Variants in CEP112 observed in about 807,000 individuals in gnomAD.
CEP112 encodes the protein centrosomal protein 112, also known as centrosomal protein of 112 kDa.
A neutral mutation model predicts 153.0 loss-of-function variants in CEP112; 127 were observed. That is an observed-to-expected ratio of 0.83 (90% CI 0.72 to 0.96). CEP112 has a LOEUF of 0.96. Among genes scored for constraint, CEP112 ranks in the 40% least tolerant of loss-of-function variants. CEP112 has a pLI of 0.00. For synonymous variants in CEP112, 358 were observed against 374.4 expected (o/e 0.96, Z 0.51); for missense variants, 1,089 against 1,101.2 (o/e 0.99, Z 0.16).
At chr17:66,076,353 G>A (rs1172020121) in intron 8 of CEP112, among the ~76,000 whole-genome samples, 6 of 152,094 alleles carry the variant, frequency 3.9e-5, no homozygotes, top group Admixed American at 6.5e-5. Context: ...AAATAGACTC[G>A]GGGCTGCTAG....
intron 6 of CEP112, among the ~76,000 whole-genome samples, chr17:66,098,930 A>G (rs2068453007): frequency 6.6e-6 from 1 of 152,190 alleles, no homozygotes; most frequent in African/African-American, 2.4e-5. Flanking sequence ...GGGTCCTAGT[A>G]GTGGTGGAAC....
chr17:65,970,458 ATG>A (rs5821564), intron 17 of CEP112, among the ~76,000 whole-genome samples: 5 of 46,448 alleles, frequency 1.1e-4, no homozygotes, highest in South Asian at 1.3e-3. Context: ...TATTACATGC[ATG>A]CACACATGCA....
intron 24 of CEP112, among the ~76,000 whole-genome samples, chr17:65,678,162 C>T (rs562975790): frequency 1.3e-5 from 2 of 152,286 alleles, no homozygotes; most frequent in South Asian, 2.1e-4. Context: ...TTTAACATCA[C>T]TGTGTTGATC....
At chr17:65,779,039 T>C (rs1393115491) in intron 21 of CEP112, among the ~76,000 whole-genome samples, 1 of 152,158 alleles carries the variant, frequency 6.6e-6, no homozygotes, top group Non-Finnish European at 1.5e-5. Flanking sequence ...GTAAACAATT[T>C]GTTTTATATG....
intron 21 of CEP112, among the ~76,000 whole-genome samples, chr17:65,837,568 T>C (rs4791119): frequency 0.99 from 150,839 of 151,618 alleles, 75,034 homozygotes; most frequent in Middle Eastern, 1. Flanking sequence ...TCTGCCCGGC[T>C]GCCGCCCCGT....
intron 24 of CEP112, among the ~76,000 whole-genome samples, chr17:65,648,416 C>T (rs569665589): frequency 1.2e-4 from 19 of 152,330 alleles, no homozygotes; most frequent in African/African-American, 3.6e-4. Context: ...GGGCTGTGCC[C>T]TGCTCCATGG....
chr17:66,116,938 C>G (rs2069326153), intron 6 of CEP112, among the ~76,000 whole-genome samples: 1 of 148,064 alleles, frequency 6.8e-6, no homozygotes, highest in Non-Finnish European at 1.5e-5. Flanking sequence ...GCGATCTCGG[C>G]TCACTGCAAC....
intron 18 of CEP112, among the ~76,000 whole-genome samples, chr17:65,929,890 C>T (rs1255487797): frequency 6.6e-6 from 1 of 152,194 alleles, no homozygotes; most frequent in African/African-American, 2.4e-5. Flanking sequence ...TTTTCTATCA[C>T]TTTGTCCATG....
chr17:65,857,476 G>A (rs368609558), intron 20 of CEP112, among the ~76,000 whole-genome samples: 2 of 152,136 alleles, frequency 1.3e-5, no homozygotes, highest in African/African-American at 2.4e-5. Context: ...TCCTGACCTC[G>A]TGATCCGCCC....
At chr17:65,979,793 A>G (rs1599242521) in intron 17 of CEP112, among the ~76,000 whole-genome samples, 1 of 152,186 alleles carries the variant, frequency 6.6e-6, no homozygotes, top group African/African-American at 2.4e-5. Flanking sequence ...ATAAACATAT[A>G]GTCACATCAT....
chr17:65,682,486 T>G (rs2047580667), intron 24 of CEP112, among the ~76,000 whole-genome samples: 1 of 152,278 alleles, frequency 6.6e-6, no homozygotes, highest in Admixed American at 6.5e-5. Flanking sequence ...ATAACCTCAG[T>G]CATCTAGCAC....
At chr17:65,727,501 G>A (rs965951828) in intron 23 of CEP112, among the ~76,000 whole-genome samples, 2 of 152,184 alleles carry the variant, frequency 1.3e-5, no homozygotes, top group Non-Finnish European at 2.9e-5. Flanking sequence ...GTTGAGAAGG[G>A]CTCCAAATAG....
intron 24 of CEP112, among the ~76,000 whole-genome samples, chr17:65,686,533 A>G (rs1336762230): frequency 6.6e-6 from 1 of 152,178 alleles, no homozygotes; most frequent in Non-Finnish European, 1.5e-5. Context: ...TCCTCCAGGG[A>G]GCACCTTTTC....
intron 17 of CEP112, among the ~76,000 whole-genome samples, chr17:65,981,437 T>C (rs1039109708): frequency 6.6e-6 from 1 of 152,254 alleles, no homozygotes; most frequent in Non-Finnish European, 1.5e-5. Context: ...GTTTTTCCTA[T>C]ATTTCAGAGC....
chr17:65,728,450 T>C (rs529232632), intron 23 of CEP112, among the ~76,000 whole-genome samples: 1 of 152,294 alleles, frequency 6.6e-6, no homozygotes, highest in South Asian at 2.1e-4. Flanking sequence ...ATACAGTCTA[T>C]CCACTTGTCT....
chr17:65,659,673 G>T (rs10853060), intron 24 of CEP112, among the ~76,000 whole-genome samples: 48,074 of 152,092 alleles, frequency 0.32, 7,850 homozygotes, highest in Middle Eastern at 0.49. Flanking sequence ...AGAGAGAAAA[G>T]AATTTTTTGT....
intron 12 of CEP112, among the ~76,000 whole-genome samples, chr17:66,050,956 CCAAA>C (rs1328986518): frequency 6.6e-6 from 1 of 152,104 alleles, no homozygotes; most frequent in Non-Finnish European, 1.5e-5. Flanking sequence ...GAATGGAGGC[CCAAA>C]CAATTTTCCA....
chr17:65,908,854 G>A (rs1477212812), intron 19 of CEP112, among the ~76,000 whole-genome samples: 2 of 152,114 alleles, frequency 1.3e-5, no homozygotes, highest in Non-Finnish European at 2.9e-5. Flanking sequence ...TGATGATGAC[G>A]TCTTCATTCC....
chr17:66,176,580 T>A (rs1369821117), intron 3 of CEP112: 4 of 304,150 alleles, frequency 1.3e-5, no homozygotes, highest in Non-Finnish European at 1.8e-5. Context: ...TATAAAAAAT[T>A]TCGTTTTCAG....
Sources: allele counts gnomAD v4.1 joint callset (sites outside exome capture counted in the v4.1 genomes callset), GRCh38; gene constraint gnomAD v4.1.1; transcripts MANE v1.5; gene names NCBI Gene and HGNC (gene_info 2026-07-23, HGNC 2026-07-21).